Variants in KCTD8 observed in about 807,000 individuals in gnomAD.
The protein encoded by KCTD8 is BTB/POZ domain-containing protein KCTD8.
Under a neutral mutation model 31.5 loss-of-function variants are expected in KCTD8, and 27 were observed. That is an observed-to-expected ratio of 0.86 (90% CI 0.63 to 1.18). The LOEUF (loss-of-function observed/expected upper bound fraction) is 1.18, where lower values mean the gene tolerates loss of function less well. KCTD8 is among the 50% of genes most tolerant of loss of function. KCTD8 has a pLI of 0.00. For missense variants in KCTD8, 658 were observed against 647.7 expected (o/e 1.02, Z -0.17); for synonymous variants, 290 against 280.0 (o/e 1.04, Z -0.36).
intron 1 of KCTD8, among the ~76,000 whole-genome samples, 193 bp downstream of exon 1, chr4:44,447,370 C>G (rs1281610958): frequency 2.0e-5 from 3 of 152,172 alleles, no homozygotes; most frequent in African/African-American, 7.2e-5. Flanking sequence ...GGAGTAGAGA[C>G]GGAAATATCC....
chr4:44,333,514 C>A (rs1718642120), intron 1 of KCTD8, among the ~76,000 whole-genome samples: 1 of 152,090 alleles, frequency 6.6e-6, no homozygotes, highest in Non-Finnish European at 1.5e-5. Context: ...GTAGGTATAA[C>A]TAAGGTCAAG....
rs560688379 is a variant in KCTD8, at chr4:44,447,936, G to GCCA, written c.585_587dup (p.Gly200dup). 4,319 of 1,446,670 alleles carry GCCA rather than the reference G, an allele frequency of 3.0e-3. 115 individuals are homozygous for GCCA. In the African/African-American group the frequency reaches 0.055, roughly 18 times the overall value. 89.6% of individuals were successfully genotyped at this position (1,446,670 alleles called of 1,614,324 possible). A position where few individuals can be genotyped will look rare whatever the true frequency, so the allele number is the denominator to read the frequency against. Reference sequence around the variant, plus strand: ...GCTTGTCCTGCGCGCCGCCGCCGCCGCCACCACCGTGCGCTCCCGGGCCCG... The same window carrying GCCA: ...GCTTGTCCTGCGCGCCGCCGCCGCCGCCACCACCACCGTGCGCTCCCGGGCCCG... On this transcript the variant is annotated inframe_insertion, in exon 1 of 2. Transcript: ENST00000360029.
In KCTD8 at chr4:44,310,848, T is replaced by C. The variant is rs147622858; in HGVS notation, c.962-135598A>G. Among the ~76,000 whole-genome samples, 40 of 152,248 alleles carry C rather than the reference T, an allele frequency of 2.6e-4. 2 individuals carry two copies. In the East Asian group the frequency reaches 7.3e-3, roughly 28 times the overall value. On this transcript the variant is annotated intron_variant, in intron 1 of 1. Transcript: ENST00000360029. ...TTTGTGTGAGTGGGTGTGCAGACAC[T>C]ACATATAAATTAATTATTTTCTGGA...
intron 1 of KCTD8, among the ~76,000 whole-genome samples, chr4:44,192,617 G>A (rs1467906237): frequency 6.6e-6 from 1 of 152,116 alleles, no homozygotes; most frequent in Non-Finnish European, 1.5e-5. Context: ...ATGTCACTAT[G>A]TGTCACCTTT....
chr4:44,174,728 C>A lies in KCTD8; in HGVS notation c.*62G>T. 1 of 1,226,822 alleles carries A rather than the reference C, an allele frequency of 8.2e-7. No individual in the cohort carries two copies. Among genetic ancestry groups the A allele is most frequent in the Non-Finnish European group, 1.2e-6 (1 of 864,732 alleles). 76.0% of individuals were successfully genotyped at this position (1,226,822 alleles called of 1,614,324 possible). On this transcript the variant is annotated 3_prime_UTR_variant, in exon 2 of 2. Transcript: ENST00000360029. ...CACTGACCATTGTTAGGACATCAGT[C>A]AGGTGGTGACACTGTAGTAAACATT...
At chr4:44,317,007 T>TA (rs375885044) in intron 1 of KCTD8, among the ~76,000 whole-genome samples, 2,642 of 141,416 alleles carry the variant, frequency 0.019, 27 homozygotes, top group African/African-American at 0.039. Flanking sequence ...AAAATAATAA[T>TA]AAAAAAAAAA....
At chr4:44,353,723 T>C (rs1045653045) in intron 1 of KCTD8, among the ~76,000 whole-genome samples, 19 of 152,140 alleles carry the variant, frequency 1.2e-4, no homozygotes, top group Non-Finnish European at 2.5e-4. Context: ...TTTGTCTTTC[T>C]GTGCCTGGCT....
At chr4:44,401,011 C>CCTTTT (rs1553905940) in intron 1 of KCTD8, among the ~76,000 whole-genome samples, 51 of 95,910 alleles carry the variant, frequency 5.3e-4, no homozygotes, top group African/African-American at 2.0e-3. Flanking sequence ...AATTTTCTTT[C>CCTTTT]TTTTTTTTTT....
At chr4:44,212,943 T>C (rs1170048153) in intron 1 of KCTD8, among the ~76,000 whole-genome samples, 1 of 152,128 alleles carries the variant, frequency 6.6e-6, no homozygotes, top group Non-Finnish European at 1.5e-5. Context: ...TGTTTGTTTG[T>C]TTGTTTGTTT....
At chr4:44,439,173 G>T (rs1292067788) in intron 1 of KCTD8, among the ~76,000 whole-genome samples, 1 of 152,124 alleles carries the variant, frequency 6.6e-6, no homozygotes, top group Admixed American at 6.6e-5. Flanking sequence ...TATGCCAAAT[G>T]ATGAGAAAGA....
At chr4:44,209,884 T>C (rs1046868264) in intron 1 of KCTD8, among the ~76,000 whole-genome samples, 5 of 152,116 alleles carry the variant, frequency 3.3e-5, no homozygotes, top group African/African-American at 9.7e-5. Flanking sequence ...CAGATTGAAG[T>C]AGTAAAAATG....
chr4:44,419,449 C>A (rs1261854323), intron 1 of KCTD8, among the ~76,000 whole-genome samples: 3 of 152,128 alleles, frequency 2.0e-5, no homozygotes, highest in Non-Finnish European at 4.4e-5. Context: ...GCTGACAGAG[C>A]TGGAACAGTT....
intron 1 of KCTD8, among the ~76,000 whole-genome samples, chr4:44,225,238 C>G (rs1036888351): frequency 1.3e-5 from 2 of 152,176 alleles, no homozygotes; most frequent in African/African-American, 4.8e-5. Flanking sequence ...AGTGCTACAC[C>G]GGCATGGCAA....
At chr4:44,244,702 G>C (rs1380652236) in intron 1 of KCTD8, among the ~76,000 whole-genome samples, 2 of 152,110 alleles carry the variant, frequency 1.3e-5, no homozygotes, top group Non-Finnish European at 2.9e-5. Flanking sequence ...AAGGGGTCCT[G>C]TTCCATACCC....
At chr4:44,258,209 C>G (rs1716052719) in intron 1 of KCTD8, among the ~76,000 whole-genome samples, 1 of 151,816 alleles carries the variant, frequency 6.6e-6, no homozygotes, top group South Asian at 2.1e-4. Context: ...AAGTTTAAGG[C>G]AATATCTAAA....
chr4:44,425,762 C>T (rs1267467846), intron 1 of KCTD8, among the ~76,000 whole-genome samples: 1 of 151,900 alleles, frequency 6.6e-6, no homozygotes, highest in East Asian at 1.9e-4. Flanking sequence ...TCTATCAACG[C>T]AATCTATCCA....
chr4:44,250,010 C>A (rs373303565), intron 1 of KCTD8, among the ~76,000 whole-genome samples: 1 of 151,666 alleles, frequency 6.6e-6, no homozygotes, highest in Non-Finnish European at 1.5e-5. Flanking sequence ...CAAATGGTGT[C>A]GATTTTGTAG....
At chr4:44,297,528 G>A (rs1192368965) in intron 1 of KCTD8, among the ~76,000 whole-genome samples, 2 of 148,380 alleles carry the variant, frequency 1.3e-5, no homozygotes, top group South Asian at 2.1e-4. Context: ...CTATTTTTAA[G>A]GCAAACACTA....
At chr4:44,436,606 T>A (rs1191769512) in intron 1 of KCTD8, among the ~76,000 whole-genome samples, 1 of 152,108 alleles carries the variant, frequency 6.6e-6, no homozygotes, top group African/African-American at 2.4e-5. Context: ...TAAATATGCA[T>A]TTTTAGATAC....
Sources: gnomAD v4.1 joint callset for allele counts (sites outside exome capture counted in the v4.1 genomes callset) on GRCh38, gnomAD v4.1.1 for gene constraint, MANE v1.5 for transcripts, NCBI Gene and HGNC (gene_info 2026-07-23, HGNC 2026-07-21) for gene names.